VAC14: variants seen among roughly 807,000 people sequenced by gnomAD.
VAC14 encodes VAC14 component of PIKFYVE complex, also known as protein VAC14 homolog.
Under a neutral mutation model 85.3 loss-of-function variants are expected in VAC14, and 47 were observed. The observed-to-expected ratio is 0.55, with a 90% confidence interval of 0.44 to 0.70. The LOEUF is 0.70. Among genes scored for constraint, VAC14 ranks in the 30% least tolerant of loss-of-function variants. The pLI is 0.00. For synonymous variants in VAC14, 447 were observed against 430.5 expected, an observed-to-expected ratio of 1.04 and a Z score of -0.47; for missense variants, 861 against 1,004.3, an observed-to-expected ratio of 0.86 and a Z score of 1.93.
chr16:70,798,115 C>G (rs992077104), intron 1 of VAC14, among the ~76,000 whole-genome samples: 2 of 152,132 alleles, frequency 1.3e-5, no homozygotes, highest in Admixed American at 1.3e-4. Context: ...AATTGAGGCA[C>G]AGAGGTTAAT....
rs1458875401 is a variant in VAC14, at chr16:70,694,340, G to C, written c.2035+1204C>G. On this transcript the variant is annotated intron_variant, in intron 17 of 18. Transcript: ENST00000261776. ...TCTGACCTCAGGCGGCCGTGTGGGT[G>C]CCTGTGTCCCTGGGAGGCCCTCGGG... is the stretch of plus-strand genomic sequence containing the variant. Among the ~76,000 whole-genome samples the C allele has an allele frequency of 2.0e-5, 3 of 152,218 alleles. No homozygotes were observed. The East Asian group carries it at 5.8e-4, about 29-fold the overall frequency.
intron 17 of VAC14, among the ~76,000 whole-genome samples, chr16:70,694,015 C>T (rs1163256935): frequency 6.6e-6 from 1 of 152,230 alleles, no homozygotes; most frequent in African/African-American, 2.4e-5. Context: ...GAAGCGCGAG[C>T]CTGTTTCCAG....
At chr16:70,788,840 C>A (rs1019041723) in intron 1 of VAC14, among the ~76,000 whole-genome samples, 1 of 152,222 alleles carries the variant, frequency 6.6e-6, no homozygotes, top group African/African-American at 2.4e-5. Flanking sequence ...GCCAGTCAGT[C>A]CCTCCAACTA....
chr16:70,750,535 G>A (rs2031297386), intron 12 of VAC14, among the ~76,000 whole-genome samples: 1 of 152,156 alleles, frequency 6.6e-6, no homozygotes, highest in Non-Finnish European at 1.5e-5. Flanking sequence ...AGGGTTGGTG[G>A]CACCTGGGTG....
intron 12 of VAC14, among the ~76,000 whole-genome samples, chr16:70,749,756 C>T (rs541135163): frequency 6.6e-6 from 1 of 152,342 alleles, no homozygotes; most frequent in Non-Finnish European, 1.5e-5. Flanking sequence ...CTGTGCCCCT[C>T]CAGTCCGGCT....
At chr16:70,775,518 C>CA (rs2033473334) in intron 9 of VAC14, among the ~76,000 whole-genome samples, 1 of 152,202 alleles carries the variant, frequency 6.6e-6, no homozygotes, top group South Asian at 2.1e-4. Flanking sequence ...CCTTTATTTC[C>CA]ATGTCTGTAC....
At chr16:70,741,399 G>A (rs1381037457) in intron 13 of VAC14, among the ~76,000 whole-genome samples, 2 of 151,728 alleles carry the variant, frequency 1.3e-5, no homozygotes, top group African/African-American at 4.9e-5. Flanking sequence ...GTGGGGGGGC[G>A]GGGAAGCAGG....
chr16:70,732,798 C>T (rs557099517), intron 13 of VAC14, among the ~76,000 whole-genome samples: 2 of 152,104 alleles, frequency 1.3e-5, no homozygotes, highest in Admixed American at 6.5e-5. Context: ...TGCGCCACCA[C>T]GCCCAGTTAA....
chr16:70,734,834 T>C (rs2054700539), intron 13 of VAC14, among the ~76,000 whole-genome samples: 1 of 151,890 alleles, frequency 6.6e-6, no homozygotes, highest in Non-Finnish European at 1.5e-5. Flanking sequence ...ACCATTACCA[T>C]TCCCATTATA....
intron 13 of VAC14, among the ~76,000 whole-genome samples, chr16:70,734,922 G>A (rs895965411): frequency 1.3e-5 from 2 of 152,192 alleles, no homozygotes; most frequent in Non-Finnish European, 2.9e-5. Flanking sequence ...GCTGACCCAG[G>A]CAGCTGGTCT....
At chr16:70,766,264 TG>T (rs2032805052) in intron 10 of VAC14, among the ~76,000 whole-genome samples, 1 of 152,182 alleles carries the variant, frequency 6.6e-6, no homozygotes, top group Admixed American at 6.5e-5. Flanking sequence ...TCAGGCTGGT[TG>T]GCCCCTCGGC....
intron 12 of VAC14, among the ~76,000 whole-genome samples, chr16:70,745,892 C>T (rs974436496): frequency 2.6e-5 from 4 of 152,188 alleles, no homozygotes; most frequent in African/African-American, 9.7e-5. Flanking sequence ...TGGGCCAGGA[C>T]CGGCCAGGTG....
intron 12 of VAC14, among the ~76,000 whole-genome samples, chr16:70,758,897 C>T (rs906145758): frequency 2.0e-5 from 3 of 152,226 alleles, no homozygotes; most frequent in East Asian, 3.8e-4. Flanking sequence ...TTTCAGATAA[C>T]GTCTGCAAGG....
chr16:70,707,221 C>G (rs1352117516), intron 14 of VAC14, among the ~76,000 whole-genome samples: 7 of 152,266 alleles, frequency 4.6e-5, no homozygotes, highest in Admixed American at 4.6e-4. Context: ...TTCAATCAAT[C>G]CTCGGCAGTG....
chr16:70,752,370 C>G (rs766051509), intron 12 of VAC14, among the ~76,000 whole-genome samples: 1 of 152,232 alleles, frequency 6.6e-6, no homozygotes, highest in Non-Finnish European at 1.5e-5. Flanking sequence ...CCTTTGAGAC[C>G]AGATCCCTGA....
At chr16:70,722,546 G>C (rs929264320) in intron 14 of VAC14, among the ~76,000 whole-genome samples, 2 of 152,206 alleles carry the variant, frequency 1.3e-5, no homozygotes, top group South Asian at 2.1e-4. Context: ...AGAAGCGCAC[G>C]GGGCTGTCCA....
At position 70,784,200 on chromosome 16, in the gene VAC14, G is replaced by T. The variant is rs2033945233; in HGVS notation, c.507C>A (p.Asn169Lys). ...GGATGAAGCTCACCAGGTCAAACTT[G>T]TTGCTCTCAGTCACAATGTCCTGTG... ...RLLKDIVTES[N>K]KFDLVSFIPL... is the part of the protein sequence containing the mutation. Residue 169 changes from asparagine (N) to lysine (K), a missense_variant, in exon 5 of 19, where the codon AAC becomes AAA. Asn to Lys is a moderately conservative substitution (Grantham distance 94). Coordinates refer to ENST00000261776, the MANE Select transcript of VAC14 (RefSeq NM_018052.5). 6.2e-7 allele frequency: 1 copy of T among 1,614,138 alleles called. No homozygotes were observed. Among genetic ancestry groups the T allele is most frequent in the East Asian group, 2.2e-5 (1 of 44,876 alleles).
chr16:70,766,220 A>T (rs1253212956), intron 10 of VAC14, among the ~76,000 whole-genome samples: 1 of 151,624 alleles, frequency 6.6e-6, no homozygotes, highest in African/African-American at 2.4e-5. Flanking sequence ...GGTGCTCCCC[A>T]CCAGTGCACT....
chr16:70,717,833 T>G (rs1567535438), intron 14 of VAC14, among the ~76,000 whole-genome samples: 1 of 152,148 alleles, frequency 6.6e-6, no homozygotes, highest in Non-Finnish European at 1.5e-5. Flanking sequence ...TCTTTTTTTG[T>G]AGGGCGGCAA....
Sources: allele counts gnomAD v4.1 joint callset (sites outside exome capture counted in the v4.1 genomes callset), GRCh38; gene constraint gnomAD v4.1.1; transcripts MANE v1.5; gene names NCBI Gene and HGNC (gene_info 2026-07-23, HGNC 2026-07-21).